Variants in SYT16 observed in about 807,000 individuals in gnomAD.
The protein encoded by SYT16 is synaptotagmin 16.
SYT16 carries 42 observed loss-of-function variants against 61.4 expected under a neutral mutation model. That is an observed-to-expected ratio of 0.68 (90% CI 0.53 to 0.89). SYT16 has a LOEUF of 0.89. Ranked by LOEUF, SYT16 falls within the 40% of genes least tolerant of loss-of-function variation. SYT16 has a pLI of 0.00. For synonymous variants in SYT16, 314 were observed against 302.3 expected (o/e 1.04, Z -0.40); for missense variants, 804 against 807.3 (o/e 1.00, Z 0.05).
chr14:61,967,848 T>C (rs1488408781), intron 1 of SYT16, among the ~76,000 whole-genome samples: 3 of 152,180 alleles, frequency 2.0e-5, no homozygotes, highest in Admixed American at 2.0e-4. Context: ...AAATGACTTA[T>C]ACATTTCAGA....
At chr14:61,931,347 A>G (rs1305591708) in intron 1 of SYT16, among the ~76,000 whole-genome samples, 1 of 152,144 alleles carries the variant, frequency 6.6e-6, no homozygotes, top group East Asian at 1.9e-4. Flanking sequence ...GCCAACATAT[A>G]TTCTTTCTCT....
chr14:62,105,692 A>C lies in SYT16; in HGVS notation c.*4985A>C, dbSNP rs1247388085. The C allele has an allele frequency of 1.3e-5, 2 of 152,218 alleles. No individual in the cohort carries two copies. The highest frequency in any genetic ancestry group is 2.9e-5 in the Non-Finnish European group (2 of 68,026). 9.4% of individuals were successfully genotyped at this position (152,218 alleles called of 1,614,324 possible). On this transcript the variant is annotated 3_prime_UTR_variant, in exon 8 of 8. Coordinates refer to ENST00000683842, the MANE Select transcript of SYT16 (RefSeq NM_001367656.1). ...GAGAGTTTCTGGAGAATTTAGAAGA[A>C]TCTTTGTTGACATTTAATCTAGAGA...
chr14:61,968,322 A>G (rs1052672619), intron 1 of SYT16, among the ~76,000 whole-genome samples: 3 of 152,076 alleles, frequency 2.0e-5, no homozygotes, highest in Non-Finnish European at 4.4e-5. Flanking sequence ...TGGAAAGAAG[A>G]AGATAAAGGG....
intron 1 of SYT16, among the ~76,000 whole-genome samples, chr14:61,969,234 C>T (rs1161842290): frequency 7.8e-6 from 1 of 127,942 alleles, no homozygotes; most frequent in Non-Finnish European, 1.7e-5. Flanking sequence ...TTGAATCATT[C>T]TTGATATTTG....
At chr14:61,880,076 G>GAT (rs2047643991) in intron 1 of SYT16, among the ~76,000 whole-genome samples, 1 of 152,218 alleles carries the variant, frequency 6.6e-6, no homozygotes, top group South Asian at 2.1e-4. Context: ...TCTGTCTGCA[G>GAT]ATGAAATGTC....
intron 3 of SYT16, among the ~76,000 whole-genome samples, chr14:61,997,559 C>G (rs1039841505): frequency 1.3e-5 from 2 of 151,976 alleles, no homozygotes; most frequent in Admixed American, 6.6e-5. Flanking sequence ...TCATAATGCT[C>G]TCTTGATACT....
At chr14:61,956,477 G>C (rs1025050736) in intron 1 of SYT16, among the ~76,000 whole-genome samples, 1 of 152,018 alleles carries the variant, frequency 6.6e-6, no homozygotes, top group Non-Finnish European at 1.5e-5. Flanking sequence ...GTTGATTTTT[G>C]TGTGTGGTAT....
intron 2 of SYT16, among the ~76,000 whole-genome samples, chr14:61,990,335 A>T (rs7156151): frequency 6.6e-6 from 1 of 152,022 alleles, no homozygotes; most frequent in Non-Finnish European, 1.5e-5. Flanking sequence ...CAAGAAAGTT[A>T]ACTGAAAGCT....
rs763142078 is a variant in SYT16 at position 62,110,208 on chromosome 14, A to C, written c.*9501A>C. On this transcript the variant is annotated 3_prime_UTR_variant, in exon 8 of 8. Transcript: ENST00000683842. ...TGATGAGGCCTGTGTTCTGATATCA[A>C]ATCTTCCACTAATGAGCTCTAAAAT... 11 of 152,190 alleles carry C rather than the reference A, an allele frequency of 7.2e-5. No homozygotes were observed. The highest frequency in any genetic ancestry group is 1.5e-4 in the Non-Finnish European group (10 of 68,022). 9.4% of individuals were successfully genotyped at this position (152,190 alleles called of 1,614,324 possible).
intron 1 of SYT16, among the ~76,000 whole-genome samples, chr14:61,844,808 CA>C (rs1237913379): frequency 1.3e-5 from 2 of 152,104 alleles, no homozygotes; most frequent in Non-Finnish European, 2.9e-5. Flanking sequence ...AGGACCTTTG[CA>C]TCAATATTCA....
chr14:62,028,923 A>T (rs970923945), intron 3 of SYT16, among the ~76,000 whole-genome samples: 1 of 152,226 alleles, frequency 6.6e-6, no homozygotes, highest in Non-Finnish European at 1.5e-5. Context: ...AACTGAGTGG[A>T]ATTTATCAGG....
intron 2 of SYT16, among the ~76,000 whole-genome samples, chr14:61,977,331 A>G (rs1392383123): frequency 3.3e-5 from 5 of 152,190 alleles, no homozygotes; most frequent in Non-Finnish European, 1.5e-5. Context: ...GTCAATTTTC[A>G]TACTGCTATA....
intron 3 of SYT16, among the ~76,000 whole-genome samples, chr14:62,000,902 C>T (rs1356293738): frequency 1.3e-5 from 2 of 152,004 alleles, no homozygotes; most frequent in East Asian, 1.9e-4. Flanking sequence ...TACGCTGATA[C>T]TGCTTTGCCC....
At chr14:61,976,565 G>A (rs1335369508) in intron 2 of SYT16, among the ~76,000 whole-genome samples, 1 of 152,166 alleles carries the variant, frequency 6.6e-6, no homozygotes, top group Non-Finnish European at 1.5e-5. Context: ...CCCAACACAT[G>A]TAAGCTACCA....
intron 3 of SYT16, among the ~76,000 whole-genome samples, chr14:62,020,559 G>A (rs1299310837): frequency 1.3e-5 from 2 of 152,172 alleles, no homozygotes; most frequent in Non-Finnish European, 2.9e-5. Context: ...GGGACAAAAG[G>A]TAACGGAGAT....
At chr14:61,928,604 G>GT (rs1411985312) in intron 1 of SYT16, among the ~76,000 whole-genome samples, 3 of 152,164 alleles carry the variant, frequency 2.0e-5, no homozygotes, top group Admixed American at 6.5e-5. Flanking sequence ...GAGAAGCCCA[G>GT]TCTTCTGGGA....
At chr14:62,059,771 T>TACACACACAC (rs1236307268) in intron 3 of SYT16, among the ~76,000 whole-genome samples, 38 of 102,194 alleles carry the variant, frequency 3.7e-4, no homozygotes, top group Non-Finnish European at 5.8e-4. Context: ...TGTATATGTA[T>TACACACACAC]ACACATACAC....
intron 3 of SYT16, among the ~76,000 whole-genome samples, chr14:62,009,655 A>G (rs1052684544): frequency 5.3e-5 from 8 of 152,258 alleles, no homozygotes; most frequent in African/African-American, 1.9e-4. Flanking sequence ...ACATTGAAAG[A>G]TGGGAGGAGG....
chr14:61,868,673 A>T (rs1237179614), intron 1 of SYT16, among the ~76,000 whole-genome samples: 1 of 152,020 alleles, frequency 6.6e-6, no homozygotes, highest in African/African-American at 2.4e-5. Context: ...CATTTGTATG[A>T]GATGATTCCT....
Sources: allele counts gnomAD v4.1 joint callset (sites outside exome capture counted in the v4.1 genomes callset), GRCh38; gene constraint gnomAD v4.1.1; transcripts MANE v1.5; gene names NCBI Gene and HGNC (gene_info 2026-07-23, HGNC 2026-07-21).